NPNT: variants seen among roughly 807,000 people sequenced by gnomAD.
NPNT encodes preosteoblast EGF-like repeat protein with MAM domain.
In NPNT, 45 loss-of-function variants were observed where a neutral mutation model predicts 68.6. The observed-to-expected ratio is 0.66, with a 90% CI of 0.52 to 0.84. The LOEUF (loss-of-function observed/expected upper bound fraction) is 0.84, where lower values mean the gene tolerates loss of function less well. NPNT is among the 40% of genes least tolerant of loss of function. The pLI is 0.00. For missense variants in NPNT, 672 were observed against 714.8 expected (o/e 0.94, Z 0.68); for synonymous variants, 233 against 253.3 (o/e 0.92, Z 0.76).
intron 8 of NPNT, among the ~76,000 whole-genome samples, chr4:105,953,645 CTT>C (rs755022650): frequency 1.3e-5 from 2 of 152,178 alleles, no homozygotes; most frequent in Non-Finnish European, 2.9e-5. Flanking sequence ...TCATAAAACT[CTT>C]GTCATTCATC....
At chr4:105,956,691 G>A (rs1348018722) in intron 8 of NPNT, among the ~76,000 whole-genome samples, 1 of 152,070 alleles carries the variant, frequency 6.6e-6, no homozygotes, top group African/African-American at 2.4e-5. Flanking sequence ...AATAAAAGAG[G>A]CACTCCCCGT....
chr4:105,934,189 A>G (rs1433805035), intron 3 of NPNT, among the ~76,000 whole-genome samples: 2 of 151,562 alleles, frequency 1.3e-5, no homozygotes, highest in Non-Finnish European at 2.9e-5. Context: ...ATTTGGAAGT[A>G]ATTTATTTTT....
chr4:105,940,336 T>A (rs531738345), intron 6 of NPNT, 127 bp downstream of exon 6: 2 of 1,092,852 alleles, frequency 1.8e-6, no homozygotes, highest in East Asian at 2.4e-5. Context: ...CCAACAGACA[T>A]CCAGTTTAAC....
chr4:105,943,805 C>T (rs758060423), intron 8 of NPNT, among the ~76,000 whole-genome samples: 1 of 151,904 alleles, frequency 6.6e-6, no homozygotes, highest in Non-Finnish European at 1.5e-5. Context: ...TATTGAATAC[C>T]TTTATAACTT....
chr4:105,966,670 ATT>A (rs550640802), intron 10 of NPNT, among the ~76,000 whole-genome samples: 56 of 145,830 alleles, frequency 3.8e-4, no homozygotes, highest in African/African-American at 1.0e-3. Context: ...ACGTTTAGAG[ATT>A]TTTTTTTTTT....
In NPNT at chr4:105,927,333, C is replaced by T; in HGVS notation, c.173-3C>T. ...AATAATGCATGCCATCTTCTTTTCA[C>T]AGCTGTGTGCCAACCACGATGCAAA... On this transcript the variant is annotated splice_polypyrimidine_tract_variant and splice_region_variant and intron_variant, in intron 2 of 11. Coordinates refer to ENST00000379987, the MANE Select transcript of NPNT (RefSeq NM_001033047.3). 2 of 1,602,388 alleles carry T rather than the reference C, an allele frequency of 1.2e-6. No homozygotes were observed. Among genetic ancestry groups the T allele is most frequent in the South Asian group, 1.1e-5 (1 of 90,514 alleles).
intron 8 of NPNT, among the ~76,000 whole-genome samples, chr4:105,950,886 G>A (rs565180143): frequency 6.6e-6 from 1 of 152,152 alleles, no homozygotes; most frequent in Non-Finnish European, 1.5e-5. Flanking sequence ...GCCACCGAAA[G>A]TGCTGCGATT....
In NPNT at chr4:105,940,213, A is replaced by G. The variant is rs773473865; in HGVS notation, c.640+4A>G. ...GGAGGCAAATATCAATGTCATGGTA[A>G]TGAAACCCAACCATTGCTTTGTGTT... On this transcript the variant is annotated splice_donor_region_variant and intron_variant, in intron 6 of 11. Transcript: ENST00000379987. 1 of 1,612,772 alleles carries G rather than the reference A, an allele frequency of 6.2e-7. No individual in the cohort carries two copies.
chr4:105,942,848 G>C, intron 8 of NPNT, 146 bp downstream of exon 8: 1 of 739,082 alleles, frequency 1.4e-6, no homozygotes, highest in Non-Finnish European at 2.1e-6. Context: ...ATTATAAAGA[G>C]CTACATAAAG....
intron 2 of NPNT, among the ~76,000 whole-genome samples, chr4:105,898,328 G>GTGTCTC (rs1726082505): frequency 3.7e-5 from 2 of 53,984 alleles, no homozygotes; most frequent in South Asian, 1.7e-3. Context: ...CTCTCTCTCT[G>GTGTCTC]TCTCTCTCTC....
At position 105,903,936 on chromosome 4, in the gene NPNT, G is replaced by A. The variant is rs923443569; in HGVS notation, c.172+5935G>A. The stretch of plus-strand genomic sequence containing the variant: ...AGTAGTTGGGACCACAGGTGTGAGC[G>A]ACCACACCTGGATAATTTTTGTATT... On this transcript the variant is annotated intron_variant, in intron 2 of 11. Coordinates refer to ENST00000379987, the MANE Select transcript of NPNT (RefSeq NM_001033047.3). Among the ~76,000 whole-genome samples the A allele has an allele frequency of 2.0e-5, 3 of 151,576 alleles. No individual in the cohort carries two copies. In the South Asian group the frequency reaches 6.3e-4, roughly 32 times the overall value.
chr4:105,939,598 C>A (rs2149372308), intron 5 of NPNT, among the ~76,000 whole-genome samples: 1 of 152,242 alleles, frequency 6.6e-6, no homozygotes, highest in East Asian at 1.9e-4. Flanking sequence ...GTTGGATATG[C>A]TTTGGAGGGG....
At chr4:105,900,751 C>T (rs1015841312) in intron 2 of NPNT, among the ~76,000 whole-genome samples, 20 of 152,110 alleles carry the variant, frequency 1.3e-4, no homozygotes, top group Middle Eastern at 6.8e-3. Flanking sequence ...CCCAACATTC[C>T]TGCCTGCTAG....
chr4:105,957,050 T>A (rs534559009), intron 8 of NPNT, among the ~76,000 whole-genome samples: 22 of 152,308 alleles, frequency 1.4e-4, no homozygotes, highest in African/African-American at 5.3e-4. Context: ...GATGACTGTT[T>A]CATAGTGTTC....
At chr4:105,968,745 A>G (rs1732363545) in intron 11 of NPNT, 150 bp from the exon 12 acceptor site, 1 of 574,792 alleles carries the variant, frequency 1.7e-6, no homozygotes, top group Non-Finnish European at 3.1e-6. Context: ...GAGAAGCTTC[A>G]GTGATACTGG....
At chr4:105,927,670 G>C (rs542027037) in intron 3 of NPNT, 1 of 219,980 alleles carries the variant, frequency 4.5e-6, no homozygotes, top group South Asian at 9.3e-5. Flanking sequence ...TTGAAGAAAA[G>C]AATCCCTGCA....
chr4:105,912,185 C>T lies in NPNT; in HGVS notation c.172+14184C>T, dbSNP rs1032060415. On this transcript the variant is annotated intron_variant, in intron 2 of 11. Coordinates refer to ENST00000379987, the MANE Select transcript of NPNT (RefSeq NM_001033047.3). ...TTTCTTTTTTTGGACATTTGTTTTGCAGCTTTCTACGTCTTAAGGCAGAGA... is the reference window on the plus strand; with the variant it reads ...TTTCTTTTTTTGGACATTTGTTTTGTAGCTTTCTACGTCTTAAGGCAGAGA... 3.6e-5 allele frequency: 55 copies of T among 1,531,750 alleles called. No homozygotes were observed. The Middle Eastern group carries it at 5.0e-4, about 14-fold the overall frequency. The allele number at this position is 1,531,750 out of a possible 1,614,324, so 94.9% of individuals were successfully genotyped here. A position where few individuals can be genotyped will look rare whatever the true frequency, so the allele number is the denominator to read the frequency against.
rs754853674 is a variant in NPNT, at chr4:105,967,202, A to T, written c.1360A>T (p.Thr454Ser). 2 of 1,613,654 alleles carry T rather than the reference A, an allele frequency of 1.2e-6. No homozygotes were observed. Among genetic ancestry groups the T allele is most frequent in the East Asian group, 2.2e-5 (1 of 44,866 alleles). Reference sequence around the variant, plus strand: ...TCCCATTCCAGGTGGACAATATCTGACAGTGTCGGCAGCCAAAGCCCCAGG... The same window carrying T: ...TCCCATTCCAGGTGGACAATATCTGTCAGTGTCGGCAGCCAAAGCCCCAGG... ...IRDPAGGQYL[T>S]VSAAKAPGGK... The change falls in exon 11 of 12, where the codon ACA (threonine) becomes TCA (serine). Residue 454 changes from threonine to serine, a missense_variant. Coordinates refer to ENST00000379987, the MANE Select transcript of NPNT (RefSeq NM_001033047.3).
chr4:105,936,997 C>A lies in NPNT; in HGVS notation c.266-12C>A. 6.2e-7 allele frequency: 1 copy of A among 1,609,598 alleles called. No homozygotes were observed. Among genetic ancestry groups the A allele is most frequent in the Non-Finnish European group, 8.5e-7 (1 of 1,178,344 alleles). On this transcript the variant is annotated splice_polypyrimidine_tract_variant and intron_variant, in intron 3 of 11. Transcript: ENST00000379987. Reference sequence around the variant, plus strand: ...TTTGTAATTTTTCTGCTTCAACCCACATTGTTTTCAGATCTAAATGAGTGT... The same window carrying A: ...TTTGTAATTTTTCTGCTTCAACCCAAATTGTTTTCAGATCTAAATGAGTGT...
Sources: allele counts gnomAD v4.1 joint callset (sites outside exome capture counted in the v4.1 genomes callset), GRCh38; gene constraint gnomAD v4.1.1; transcripts MANE v1.5; gene names NCBI Gene and HGNC (gene_info 2026-07-23, HGNC 2026-07-21).